COMMD1: variants seen among roughly 807,000 people sequenced by gnomAD.
The protein encoded by COMMD1 is copper metabolism domain containing 1, also known as COMM domain-containing protein 1.
COMMD1 carries 10 observed loss-of-function variants against 17.2 expected under a neutral mutation model. The ratio of observed to expected loss-of-function variants is 0.58; its 90% CI spans 0.36 to 0.99. COMMD1 has a LOEUF of 0.99. COMMD1 is among the 50% of genes least tolerant of loss of function. COMMD1 has a pLI of 0.01. For missense variants in COMMD1, 270 were observed against 231.8 expected (o/e 1.17, Z -1.07); for synonymous variants, 97 against 91.6 (o/e 1.06, Z -0.34).
intron 1 of COMMD1, among the ~76,000 whole-genome samples, chr2:61,962,773 G>GC (rs1302340490): frequency 6.6e-6 from 1 of 152,116 alleles, no homozygotes; most frequent in Non-Finnish European, 1.5e-5. Flanking sequence ...ACAAGGAAAG[G>GC]CTGCAGAAGC....
chr2:62,124,635 C>T (rs900464544), intron 2 of COMMD1, among the ~76,000 whole-genome samples: 3 of 152,074 alleles, frequency 2.0e-5, no homozygotes, highest in Admixed American at 6.6e-5. Flanking sequence ...CTGCAACCTC[C>T]GCCTCCTGGG....
chr2:61,985,891 A>T (rs1285762425), intron 1 of COMMD1, among the ~76,000 whole-genome samples: 1 of 151,976 alleles, frequency 6.6e-6, no homozygotes, highest in Admixed American at 6.6e-5. Flanking sequence ...TTCTACTCAC[A>T]ATATGAGTAG....
intron 2 of COMMD1, among the ~76,000 whole-genome samples, chr2:62,113,739 T>TG (rs1455680754): frequency 2.6e-5 from 4 of 152,260 alleles, no homozygotes; most frequent in Non-Finnish European, 5.9e-5. Context: ...GGATATAGTA[T>TG]GTCCATTGTC....
intron 2 of COMMD1, among the ~76,000 whole-genome samples, chr2:62,135,191 G>C (rs1367724588): frequency 3.3e-5 from 5 of 151,920 alleles, no homozygotes; most frequent in Admixed American, 1.3e-4. Flanking sequence ...TGTGCCTCAG[G>C]GTCCTCATTT....
At chr2:61,958,570 A>G (rs1573002060) in intron 1 of COMMD1, among the ~76,000 whole-genome samples, 1 of 152,102 alleles carries the variant, frequency 6.6e-6, no homozygotes, top group Admixed American at 6.6e-5. Context: ...CCTGGCCACA[A>G]ATGTTTATTT....
chr2:62,124,967 T>C (rs1296007325), intron 2 of COMMD1, among the ~76,000 whole-genome samples: 3 of 152,212 alleles, frequency 2.0e-5, no homozygotes, highest in Non-Finnish European at 1.5e-5. Context: ...TGAAAGTTCA[T>C]GTTTCCCGTA....
intron 1 of COMMD1, among the ~76,000 whole-genome samples, chr2:61,894,044 T>C (rs1198737127): frequency 6.6e-6 from 1 of 152,154 alleles, no homozygotes; most frequent in Non-Finnish European, 1.5e-5. Context: ...TGAACTCTAG[T>C]CTGGGCAACA....
chr2:62,075,265 C>T (rs1316302103), intron 2 of COMMD1, among the ~76,000 whole-genome samples: 3 of 152,052 alleles, frequency 2.0e-5, no homozygotes, highest in Non-Finnish European at 4.4e-5. Context: ...TGTGAACTTT[C>T]TGACTTCTCT....
intron 2 of COMMD1, among the ~76,000 whole-genome samples, chr2:62,089,147 A>C (rs1272886187): frequency 6.6e-6 from 1 of 152,202 alleles, no homozygotes; most frequent in East Asian, 1.9e-4. Context: ...CTAGACTTTT[A>C]GCTAATCTCT....
intron 1 of COMMD1, among the ~76,000 whole-genome samples, chr2:61,965,561 T>A (rs1267950953): frequency 6.6e-6 from 1 of 152,234 alleles, no homozygotes; most frequent in Admixed American, 6.5e-5. Context: ...AAAAATTCGG[T>A]GATCACGACC....
intron 2 of COMMD1, among the ~76,000 whole-genome samples, chr2:62,043,452 A>G (rs1057456878): frequency 3.3e-5 from 5 of 152,170 alleles, no homozygotes; most frequent in Admixed American, 3.3e-4. Context: ...TGTTACAGGT[A>G]TGAGCCACCA....
intron 2 of COMMD1, among the ~76,000 whole-genome samples, chr2:62,047,935 G>A (rs1670424952): frequency 6.6e-6 from 1 of 152,088 alleles, no homozygotes; most frequent in Non-Finnish European, 1.5e-5. Flanking sequence ...TACCCTAGGA[G>A]CAATAGGCCA....
At chr2:62,135,802 C>T in intron 2 of COMMD1, 29 bp from the exon 3 acceptor site, 1 of 1,136,880 alleles carries the variant, frequency 8.8e-7, no homozygotes, top group South Asian at 1.2e-5. Flanking sequence ...TTGTGGTTTC[C>T]CTCTAAAATA....
chr2:62,089,426 C>G (rs1170504194), intron 2 of COMMD1, among the ~76,000 whole-genome samples: 1 of 151,962 alleles, frequency 6.6e-6, no homozygotes, highest in East Asian at 1.9e-4. Flanking sequence ...GCTGGGATTA[C>G]AAGCGCGCTA....
chr2:61,956,258 C>G (rs1487050445), intron 1 of COMMD1, among the ~76,000 whole-genome samples: 1 of 152,180 alleles, frequency 6.6e-6, no homozygotes, highest in African/African-American at 2.4e-5. Context: ...GCCTTATCAG[C>G]TTTGTTGAAA....
At chr2:61,975,532 G>C (rs1671778030) in intron 1 of COMMD1, among the ~76,000 whole-genome samples, 1 of 151,774 alleles carries the variant, frequency 6.6e-6, no homozygotes, top group Admixed American at 6.6e-5. Flanking sequence ...GTCAACATTT[G>C]GTGTTGCTTT....
At chr2:62,127,826 C>G (rs927854224) in intron 2 of COMMD1, among the ~76,000 whole-genome samples, 14 of 151,758 alleles carry the variant, frequency 9.2e-5, no homozygotes, top group African/African-American at 3.4e-4. Context: ...GAGTTTGAGA[C>G]CAGCCTGACC....
chr2:61,954,545 A>C (rs1426808432), intron 1 of COMMD1, among the ~76,000 whole-genome samples: 1 of 152,238 alleles, frequency 6.6e-6, no homozygotes, highest in Non-Finnish European at 1.5e-5. Context: ...TTAATCTATA[A>C]TGAAGATTAA....
At chr2:61,899,080 G>GTAACATA (rs1319324010) in intron 1 of COMMD1, among the ~76,000 whole-genome samples, 1 of 152,140 alleles carries the variant, frequency 6.6e-6, no homozygotes, top group Non-Finnish European at 1.5e-5. Flanking sequence ...GCAGTAATAT[G>GTAACATA]TCCAGTGATA....
Sources: allele counts gnomAD v4.1 joint callset (sites outside exome capture counted in the v4.1 genomes callset), GRCh38; gene constraint gnomAD v4.1.1; transcripts MANE v1.5; gene names NCBI Gene and HGNC (gene_info 2026-07-23, HGNC 2026-07-21).